NME7: variants seen among roughly 807,000 people sequenced by gnomAD.
The protein encoded by NME7 is nucleoside diphosphate kinase 7.
In NME7, 41 loss-of-function variants were observed where a neutral mutation model predicts 49.1. The observed-to-expected ratio is 0.83, with a 90% CI of 0.65 to 1.08. NME7 has a LOEUF of 1.08. Among genes scored for constraint, NME7 ranks in the 50% least tolerant of loss-of-function variants. The pLI, the probability that NME7 is intolerant of heterozygous loss-of-function variation, is 0.00. For synonymous variants in NME7, 139 were observed against 150.6 expected (o/e 0.92, Z 0.56); for missense variants, 423 against 463.4 (o/e 0.91, Z 0.80).
chr1:169,227,399 A>G (rs1400458409), intron 10 of NME7, among the ~76,000 whole-genome samples: 2 of 152,172 alleles, frequency 1.3e-5, no homozygotes, highest in East Asian at 3.8e-4. Flanking sequence ...CATTTGTCAC[A>G]TATCTTAGTC....
At position 169,298,589 on chromosome 1, in the gene NME7, C is replaced by A. The variant is rs143907031; in HGVS notation, c.615G>T (p.Ala205=). The part of the protein sequence containing the change: ...LFGTDGIRNA[A]HGPDSFASAA... ...CAGAAGCAAAAGAATCAGGGCCATG[C>A]GCTGCATTTCTTATGCCATCTGTTC... is the stretch of plus-strand genomic sequence containing the variant. The change falls in exon 6 of 12, where the codon GCG becomes GCT. Residue 205 remains alanine (A), a synonymous_variant. Transcript: ENST00000367811. 6.2e-7 allele frequency: 1 copy of A among 1,613,902 alleles called. No homozygotes were observed. The highest frequency in any genetic ancestry group is 1.3e-5 in the African/African-American group (1 of 75,022).
At chr1:169,350,108 C>T (rs891526984) in intron 1 of NME7, among the ~76,000 whole-genome samples, 2 of 150,368 alleles carry the variant, frequency 1.3e-5, no homozygotes, top group Non-Finnish European at 2.9e-5. Flanking sequence ...AGGAGAATCA[C>T]TTGAACCTGG....
intron 10 of NME7, among the ~76,000 whole-genome samples, chr1:169,228,675 C>T (rs1647449850): frequency 7.5e-6 from 1 of 134,022 alleles, no homozygotes; most frequent in South Asian, 2.6e-4. Context: ...CAGAGCGAGA[C>T]TCCGTCTCAA....
intron 3 of NME7, among the ~76,000 whole-genome samples, chr1:169,313,391 T>A: frequency 6.6e-6 from 1 of 152,080 alleles, no homozygotes; most frequent in South Asian, 2.1e-4. Context: ...CACCCCCGCT[T>A]AAGGTGAATC....
intron 1 of NME7, among the ~76,000 whole-genome samples, chr1:169,361,099 C>G (rs927790603): frequency 1.3e-5 from 2 of 152,014 alleles, no homozygotes; most frequent in Non-Finnish European, 2.9e-5. Flanking sequence ...GTATACCCAC[C>G]AGTTACCAGT....
chr1:169,357,753 G>C lies in NME7; in HGVS notation c.3+9955C>G, dbSNP rs146026405. ...AGTTTTTCCAGAGCCGAATTTCTGA[G>C]TCTAAGTGGCAAGAAACAGACTGGG... On this transcript the variant is annotated intron_variant, in intron 1 of 11. Coordinates refer to ENST00000367811, the MANE Select transcript of NME7 (RefSeq NM_013330.5). 1.2e-3 allele frequency among the ~76,000 whole-genome samples: 179 copies of C among 152,158 alleles called. 1 individual carries two copies. Among genetic ancestry groups the C allele is most frequent in the African/African-American group, 4.1e-3 (169 of 41,548 alleles).
chr1:169,236,161 G>C (rs1205242689), intron 8 of NME7, among the ~76,000 whole-genome samples: 3 of 152,094 alleles, frequency 2.0e-5, no homozygotes, highest in Non-Finnish European at 4.4e-5. Context: ...TTTGCTAAAT[G>C]CAACAAAATA....
At chr1:169,299,622 T>C (rs897112052) in intron 5 of NME7, among the ~76,000 whole-genome samples, 2 of 152,130 alleles carry the variant, frequency 1.3e-5, no homozygotes, top group African/African-American at 4.8e-5. Context: ...ACAGGCTCTT[T>C]TGTGCCCACT....
At chr1:169,214,134 T>A (rs1438338081) in intron 10 of NME7, among the ~76,000 whole-genome samples, 1 of 152,178 alleles carries the variant, frequency 6.6e-6, no homozygotes, top group Non-Finnish European at 1.5e-5. Flanking sequence ...AAACCAAGTA[T>A]AAAGAATGAG....
intron 3 of NME7, among the ~76,000 whole-genome samples, chr1:169,311,253 C>G (rs1159982569): frequency 1.3e-5 from 2 of 151,824 alleles, no homozygotes; most frequent in Non-Finnish European, 2.9e-5. Flanking sequence ...CCCGTCTCTA[C>G]TAAAAATACA....
chr1:169,275,447 C>G lies in NME7; in HGVS notation c.754+11856G>C, dbSNP rs1261211214. Among the ~76,000 whole-genome samples, 31 of 107,922 alleles carry G rather than the reference C, an allele frequency of 2.9e-4. 4 individuals carry two copies. The highest frequency in any genetic ancestry group is 5.6e-4 in the Non-Finnish European group (27 of 48,080). The allele number at this position is 107,922 out of a possible 152,430, so 70.8% of individuals were successfully genotyped here. A position where few individuals can be genotyped will look rare whatever the true frequency, so the allele number is the denominator to read the frequency against. ...TGAGTCGAGATCGCGCCACTGCACTCCAGCCTGGGCGACAGAGCGAAACTC... is the reference window on the plus strand; with the variant it reads ...TGAGTCGAGATCGCGCCACTGCACTGCAGCCTGGGCGACAGAGCGAAACTC... On this transcript the variant is annotated intron_variant, in intron 7 of 11. Transcript: ENST00000367811.
At chr1:169,364,588 A>T (rs10800440) in intron 1 of NME7, among the ~76,000 whole-genome samples, 1 of 151,866 alleles carries the variant, frequency 6.6e-6, no homozygotes, top group East Asian at 1.9e-4. Context: ...CATCACAGAA[A>T]AGACACCTAC....
chr1:169,351,616 A>T (rs577244469), intron 1 of NME7, among the ~76,000 whole-genome samples: 1 of 152,108 alleles, frequency 6.6e-6, no homozygotes, highest in South Asian at 2.1e-4. Flanking sequence ...AAAAAAAAAT[A>T]CAAAAGATCA....
intron 7 of NME7, among the ~76,000 whole-genome samples, chr1:169,247,445 A>T (rs1409033634): frequency 6.6e-6 from 1 of 152,186 alleles, no homozygotes; most frequent in Non-Finnish European, 1.5e-5. Flanking sequence ...GAATGTTATT[A>T]TGCAGGGGCT....
intron 9 of NME7, among the ~76,000 whole-genome samples, chr1:169,233,763 C>A (rs1647739802): frequency 1.3e-5 from 2 of 152,072 alleles, no homozygotes; most frequent in South Asian, 4.1e-4. Context: ...GTCTGATTTT[C>A]TGCCTCTGAT....
At chr1:169,223,605 T>C (rs987826749) in intron 10 of NME7, among the ~76,000 whole-genome samples, 8 of 152,136 alleles carry the variant, frequency 5.3e-5, no homozygotes, top group African/African-American at 1.9e-4. Flanking sequence ...TACTTTGGCA[T>C]AAAAAGATTT....
At chr1:169,244,794 T>C (rs1436918582) in intron 7 of NME7, among the ~76,000 whole-genome samples, 1 of 152,150 alleles carries the variant, frequency 6.6e-6, no homozygotes, top group Non-Finnish European at 1.5e-5. Context: ...CTTATTCTGA[T>C]GTTAAGGTCT....
intron 1 of NME7, among the ~76,000 whole-genome samples, chr1:169,355,000 ATATATGTTTATATATAATATAATT>A: frequency 1.7e-5 from 1 of 57,586 alleles, no homozygotes; most frequent in African/African-American, 5.3e-5. Flanking sequence ...TAATATAATT[ATATATGTTTATATATAATATAATT>A]ATATATTATA....
At chr1:169,258,375 C>CATATATATATAT (rs71121749) in intron 7 of NME7, among the ~76,000 whole-genome samples, 53 of 86,770 alleles carry the variant, frequency 6.1e-4, no homozygotes, top group African/African-American at 1.8e-3. Flanking sequence ...TAAAATAAAA[C>CATATATATATAT]ATATATATAT....
Sources: gnomAD v4.1 joint callset for allele counts (sites outside exome capture counted in the v4.1 genomes callset) on GRCh38, gnomAD v4.1.1 for gene constraint, MANE v1.5 for transcripts, NCBI Gene and HGNC (gene_info 2026-07-23, HGNC 2026-07-21) for gene names.